SNTG1: variants seen among roughly 807,000 people sequenced by gnomAD.
SNTG1 encodes the protein syntrophin gamma 1, also known as gamma-1-syntrophin.
SNTG1 carries 39 observed loss-of-function variants against 74.7 expected under a neutral mutation model. The ratio of observed to expected loss-of-function variants is 0.52; its 90% CI spans 0.40 to 0.68. The LOEUF is 0.68. Ranked by LOEUF, SNTG1 falls within the 30% of genes least tolerant of loss-of-function variation. The pLI, the probability that SNTG1 is intolerant of heterozygous loss-of-function variation, is 0.00. For missense variants in SNTG1, 685 were observed against 609.5 expected (o/e 1.12, Z -1.30); for synonymous variants, 254 against 217.1 (o/e 1.17, Z -1.49).
Position 50,019,087 on chromosome 8 carries a change from A to G in SNTG1, c.-103+106856A>G, listed in dbSNP as rs116348067. ...GGTCAAGGAAAAGAAGAGAAGATGA[A>G]TGATTGCTAATACGTGTGGGAATTA... On this transcript the variant is annotated intron_variant, in intron 1 of 18. Transcript: ENST00000642720. Among the ~76,000 whole-genome samples, 1,224 of 152,192 alleles carry G rather than the reference A, an allele frequency of 8.0e-3. 23 individuals carry two copies. The highest frequency in any genetic ancestry group is 0.028 in the African/African-American group (1,150 of 41,566).
chr8:50,469,072 C>A lies in SNTG1; in HGVS notation c.363+18343C>A, dbSNP rs758661648. Among the ~76,000 whole-genome samples, 9 of 152,242 alleles carry A rather than the reference C, an allele frequency of 5.9e-5. No homozygotes were observed. In the Middle Eastern group the frequency reaches 0.01, roughly 173 times the overall value. On this transcript the variant is annotated intron_variant, in intron 8 of 18. Coordinates refer to ENST00000642720, the MANE Select transcript of SNTG1 (RefSeq NM_018967.5). Reference sequence around the variant, plus strand: ...GATAGTTTATTTACTTGCGTTTATTCTTTCATTGGCATTCTCCTTTGCTTG... The same window carrying A: ...GATAGTTTATTTACTTGCGTTTATTATTTCATTGGCATTCTCCTTTGCTTG...
chr8:50,135,963 C>T (rs776963109), intron 1 of SNTG1, among the ~76,000 whole-genome samples: 1 of 152,074 alleles, frequency 6.6e-6, no homozygotes, highest in Non-Finnish European at 1.5e-5. Context: ...TCCATGTGTA[C>T]TCAATGTTTA....
intron 2 of SNTG1, among the ~76,000 whole-genome samples, chr8:50,310,580 C>G (rs1053311884): frequency 6.6e-6 from 1 of 151,952 alleles, no homozygotes; most frequent in African/African-American, 2.4e-5. Flanking sequence ...CCCAGCCACT[C>G]GGGAGGCTGA....
intron 2 of SNTG1, among the ~76,000 whole-genome samples, chr8:50,186,715 A>G (rs2083398397): frequency 6.6e-6 from 1 of 151,112 alleles, no homozygotes. Flanking sequence ...ACACTTTTTG[A>G]TGGGGTTGTT....
chr8:50,176,600 CT>C (rs1240334624), intron 2 of SNTG1, among the ~76,000 whole-genome samples: 1 of 152,124 alleles, frequency 6.6e-6, no homozygotes, highest in African/African-American at 2.4e-5. Flanking sequence ...AAAAGAGTGA[CT>C]TGCATTTGTT....
At chr8:50,479,624 A>G (rs539083700) in intron 8 of SNTG1, among the ~76,000 whole-genome samples, 18 of 151,692 alleles carry the variant, frequency 1.2e-4, no homozygotes, top group East Asian at 7.8e-4. Context: ...CTTTATTCCA[A>G]CTCTGCCTGA....
At chr8:50,448,312 C>CAA (rs879616832) in intron 5 of SNTG1, among the ~76,000 whole-genome samples, 1 of 136,856 alleles carries the variant, frequency 7.3e-6, no homozygotes, top group Non-Finnish European at 1.6e-5. Flanking sequence ...CTCTACTTGC[C>CAA]AAAAAAAAAA....
At chr8:50,575,212 A>T (rs2130785830) in intron 12 of SNTG1, among the ~76,000 whole-genome samples, 1 of 152,208 alleles carries the variant, frequency 6.6e-6, no homozygotes, top group Middle Eastern at 3.4e-3. Flanking sequence ...TCATTTTGTA[A>T]TGTTTTCTTG....
At chr8:49,959,757 G>C (rs1810512975) in intron 1 of SNTG1, among the ~76,000 whole-genome samples, 1 of 152,194 alleles carries the variant, frequency 6.6e-6, no homozygotes, top group South Asian at 2.1e-4. Flanking sequence ...TTTGTGAACA[G>C]CTGTATCCAA....
chr8:50,662,010 G>T (rs1454291297), intron 15 of SNTG1, among the ~76,000 whole-genome samples: 2 of 152,082 alleles, frequency 1.3e-5, no homozygotes, highest in Non-Finnish European at 2.9e-5. Flanking sequence ...TTATTTTCCT[G>T]CATGCAGATT....
intron 1 of SNTG1, among the ~76,000 whole-genome samples, chr8:50,138,641 A>AATC (rs1438976409): frequency 6.8e-6 from 1 of 147,556 alleles, no homozygotes; most frequent in Non-Finnish European, 1.5e-5. Flanking sequence ...TAATAATAAT[A>AATC]ATAATAATAA....
intron 4 of SNTG1, among the ~76,000 whole-genome samples, chr8:50,429,067 A>ATGTAG (rs57585720): frequency 0.028 from 4,227 of 152,194 alleles, 187 homozygotes; most frequent in African/African-American, 0.095. Flanking sequence ...TTATCATAAT[A>ATGTAG]ATCCCAAAAT....
chr8:50,128,103 T>C (rs927170977), intron 1 of SNTG1, among the ~76,000 whole-genome samples: 1 of 152,148 alleles, frequency 6.6e-6, no homozygotes, highest in African/African-American at 2.4e-5. Flanking sequence ...AATGTAGCAC[T>C]CTAATTACTC....
chr8:50,235,305 A>T (rs2085831476), intron 2 of SNTG1, among the ~76,000 whole-genome samples: 1 of 152,172 alleles, frequency 6.6e-6, no homozygotes, highest in Admixed American at 6.5e-5. Context: ...ACAGGGATGA[A>T]TGTGGAGGGC....
intron 2 of SNTG1, among the ~76,000 whole-genome samples, chr8:50,334,414 C>T (rs2091070660): frequency 6.6e-6 from 1 of 152,026 alleles, no homozygotes; most frequent in Non-Finnish European, 1.5e-5. Context: ...CAAAAGCAAG[C>T]TGCCTTCAGC....
chr8:49,941,870 G>A (rs1223675005), intron 1 of SNTG1, among the ~76,000 whole-genome samples: 1 of 152,112 alleles, frequency 6.6e-6, no homozygotes, highest in African/African-American at 2.4e-5. Context: ...TTATTTACTT[G>A]TTTTTAGATT....
At chr8:50,153,061 T>C (rs2082125733) in intron 1 of SNTG1, among the ~76,000 whole-genome samples, 2 of 152,210 alleles carry the variant, frequency 1.3e-5, no homozygotes, top group African/African-American at 4.8e-5. Context: ...GTAGATTTGG[T>C]CTTTTCACAT....
intron 8 of SNTG1, among the ~76,000 whole-genome samples, chr8:50,467,001 T>C (rs1255175592): frequency 6.6e-6 from 1 of 151,930 alleles, no homozygotes; most frequent in Admixed American, 6.6e-5. Context: ...GATTCATACA[T>C]GCTTAACTGG....
At chr8:50,585,386 T>G (rs972719385) in intron 12 of SNTG1, among the ~76,000 whole-genome samples, 1 of 152,170 alleles carries the variant, frequency 6.6e-6, no homozygotes, top group Non-Finnish European at 1.5e-5. Context: ...ACAGAAATTA[T>G]GTCCTTTGAT....
Sources: gnomAD v4.1 joint callset for allele counts (sites outside exome capture counted in the v4.1 genomes callset) on GRCh38, gnomAD v4.1.1 for gene constraint, MANE v1.5 for transcripts, NCBI Gene and HGNC (gene_info 2026-07-23, HGNC 2026-07-21) for gene names.